The following PANK3 variants were observed in gnomAD, a reference collection of about 807,000 sequenced individuals.
PANK3 encodes pantothenate kinase 3.
PANK3 carries 20 observed loss-of-function variants against 39.4 expected under a neutral mutation model. The ratio of observed to expected loss-of-function variants is 0.51; its 90% confidence interval spans 0.36 to 0.74. The LOEUF is 0.74. PANK3 is among the 30% of genes least tolerant of loss of function. The probability of loss-of-function intolerance (pLI) is 0.00; values close to 1 mark genes in which losing one functional copy is unlikely to be tolerated. For synonymous variants in PANK3, 140 were observed against 157.3 expected, an observed-to-expected ratio of 0.89 and a Z score of 0.82; for missense variants, 265 against 437.0, an observed-to-expected ratio of 0.61 and a Z score of 3.51.
At position 168,553,556 on chromosome 5, in the gene PANK3, G is replaced by A. The variant is rs995858942; in HGVS notation, c.*4015C>T. On this transcript the variant is annotated 3_prime_UTR_variant, in exon 7 of 7. Coordinates refer to ENST00000239231, the MANE Select transcript of PANK3 (RefSeq NM_024594.4). Reference sequence around the variant, plus strand: ...GGACATGAGCAAAACCTCAGAGGGAGAGTCTTCTGACCTCTCTTTCAAAGT... The same window carrying A: ...GGACATGAGCAAAACCTCAGAGGGAAAGTCTTCTGACCTCTCTTTCAAAGT... 3 of 324,668 alleles carry A rather than the reference G, an allele frequency of 9.2e-6. No individual in the cohort carries two copies. The highest frequency in any genetic ancestry group is 4.3e-5 in the African/African-American group (2 of 46,012). The allele number at this position is 324,668 out of a possible 1,614,324, so 20.1% of individuals were successfully genotyped here. A position where few individuals can be genotyped will look rare whatever the true frequency, so the allele number is the denominator to read the frequency against.
chr5:168,559,235 A>G lies in PANK3; in HGVS notation c.937-78T>C, dbSNP rs1300678886. 3 of 1,016,984 alleles carry G rather than the reference A, an allele frequency of 2.9e-6. No individual in the cohort carries two copies. In the East Asian group the frequency reaches 8.4e-5, roughly 29 times the overall value. 63.0% of individuals were successfully genotyped at this position (1,016,984 alleles called of 1,614,324 possible). On this transcript the variant is annotated intron_variant, in intron 5 of 6. Coordinates refer to ENST00000239231, the MANE Select transcript of PANK3 (RefSeq NM_024594.4). Reference sequence around the variant, plus strand: ...TAAAAGGTTTCTAAATATTTATTTAAAATTTATTTTAAAATGCAAAAAAAC... The same window carrying G: ...TAAAAGGTTTCTAAATATTTATTTAGAATTTATTTTAAAATGCAAAAAAAC...
chr5:168,576,671 A>G (rs908046791), intron 1 of PANK3, among the ~76,000 whole-genome samples: 2 of 152,166 alleles, frequency 1.3e-5, no homozygotes, highest in Admixed American at 1.3e-4. Context: ...TGTGAAGCCA[A>G]GGTCACTTGT....
rs552181159 is a variant in PANK3, at chr5:168,577,025, C to A, written c.28+2231G>T. Among the ~76,000 whole-genome samples the A allele has an allele frequency of 3.3e-5, 5 of 152,048 alleles. No individual in the cohort carries two copies. The South Asian group carries it at 6.2e-4, about 19-fold the overall frequency. On this transcript the variant is annotated intron_variant, in intron 1 of 6. Transcript: ENST00000239231. Reference sequence around the variant, plus strand: ...CCTCCCGAACAGCTTGGACTACAGGCGCGTGCCACCATGCTCGGCTAATTT... The same window carrying A: ...CCTCCCGAACAGCTTGGACTACAGGAGCGTGCCACCATGCTCGGCTAATTT...
chr5:168,579,263 C>T lies in PANK3; in HGVS notation c.21G>A (p.Lys7=). 1 of 1,500,630 alleles carries T rather than the reference C, an allele frequency of 6.7e-7. No individual in the cohort carries two copies. The highest frequency in any genetic ancestry group is 8.9e-7 in the Non-Finnish European group (1 of 1,121,980). 93.0% of individuals were successfully genotyped at this position (1,500,630 alleles called of 1,614,324 possible). A position where few individuals can be genotyped will look rare whatever the true frequency, so the allele number is the denominator to read the frequency against. ...CCCCAGCCCCCGTCTTACAGGGTTTCTTGGCATCTTTGATCTTCATGGCGT... is the reference window on the plus strand; with the variant it reads ...CCCCAGCCCCCGTCTTACAGGGTTTTTTGGCATCTTTGATCTTCATGGCGT... MKIKDA[K]KPSFPWFGMD... The change falls in exon 1 of 7, where the codon AAG becomes AAA. Residue 7 remains lysine, a synonymous_variant. Coordinates refer to ENST00000239231, the MANE Select transcript of PANK3 (RefSeq NM_024594.4).
At chr5:168,576,524 C>A (rs145976991) in intron 1 of PANK3, among the ~76,000 whole-genome samples, 44 of 152,336 alleles carry the variant, frequency 2.9e-4, no homozygotes, top group African/African-American at 1.0e-3. Context: ...AAATGCTAAT[C>A]TTCCAGTTAC....
chr5:168,573,821 T>C (rs561381720), intron 1 of PANK3, among the ~76,000 whole-genome samples: 2 of 152,126 alleles, frequency 1.3e-5, no homozygotes, highest in African/African-American at 4.8e-5. Context: ...TCCAATTTCA[T>C]CCATGCCCCT....
In PANK3 at chr5:168,551,642, G is replaced by A. The variant is rs1447637882; in HGVS notation, c.*5929C>T. 6.6e-6 allele frequency: 1 copy of A among 152,148 alleles called. No individual in the cohort carries two copies. The highest frequency in any genetic ancestry group is 1.5e-5 in the Non-Finnish European group (1 of 68,014). 9.4% of individuals were successfully genotyped at this position (152,148 alleles called of 1,614,324 possible). A position where few individuals can be genotyped will look rare whatever the true frequency, so the allele number is the denominator to read the frequency against. ...ATCAAGGCAAGATGGACTACTCTTT[G>A]AAGGCAAGAATACTGCTGGAATAAG... is the stretch of plus-strand genomic sequence containing the variant. On this transcript the variant is annotated 3_prime_UTR_variant, in exon 7 of 7. Coordinates refer to ENST00000239231, the MANE Select transcript of PANK3 (RefSeq NM_024594.4).
intron 4 of PANK3, among the ~76,000 whole-genome samples, chr5:168,562,452 C>A (rs918875062): frequency 6.6e-6 from 1 of 152,070 alleles, no homozygotes; most frequent in African/African-American, 2.4e-5. Context: ...CGGAGTGAAG[C>A]GTCTATGCAA....
At chr5:168,558,708 TA>T (rs1481815364) in intron 6 of PANK3, among the ~76,000 whole-genome samples, 1 of 152,186 alleles carries the variant, frequency 6.6e-6, no homozygotes, top group Non-Finnish European at 1.5e-5. Context: ...AAGGAACCAA[TA>T]TTCTACTACT....
chr5:168,568,898 C>T lies in PANK3; in HGVS notation c.129G>A (p.Glu43=), dbSNP rs1437111370. 2.4e-5 allele frequency: 39 copies of T among 1,612,638 alleles called. No individual in the cohort carries two copies. The highest frequency in any genetic ancestry group is 3.2e-5 in the Non-Finnish European group (38 of 1,179,662). The change falls in exon 2 of 7, where the codon GAG becomes GAA. Residue 43 remains glutamate, a synonymous_variant. Coordinates refer to ENST00000239231, the MANE Select transcript of PANK3 (RefSeq NM_024594.4). ...AATATTTCCGAATACTTTTTAAACT[C>T]TCAACTTCTTCTTGCTCTTCCTCTG... The part of the protein sequence containing the change: ...ITAEEEQEEV[E]SLKSIRKYLT...
rs554594340 is a variant in PANK3, at chr5:168,557,444, G to A, written c.*127C>T. ...TTACCAAGTTCTCTCCTTTAATATG[G>A]CAACATTCAGCAGCTTATGCTACTC... is the stretch of plus-strand genomic sequence containing the variant. On this transcript the variant is annotated 3_prime_UTR_variant, in exon 7 of 7. Transcript: ENST00000239231. 6 of 770,306 alleles carry A rather than the reference G, an allele frequency of 7.8e-6. No individual in the cohort carries two copies. The African/African-American group carries it at 8.8e-5, about 11-fold the overall frequency. 47.7% of individuals were successfully genotyped at this position (770,306 alleles called of 1,614,324 possible).
Position 168,556,720 on chromosome 5 carries a change from T to C in PANK3, c.*851A>G, listed in dbSNP as rs916327321. 4.6e-5 allele frequency: 7 copies of C among 152,672 alleles called. No individual in the cohort carries two copies. Among genetic ancestry groups the C allele is most frequent in the African/African-American group, 1.2e-4 (5 of 41,468 alleles). The allele number at this position is 152,672 out of a possible 1,614,324, so 9.5% of individuals were successfully genotyped here. ...GATGAATTTTCTATTATTAATGTTA[T>C]TGTGGTTGTTTTAAAATAAAAGTTC... On this transcript the variant is annotated 3_prime_UTR_variant, in exon 7 of 7. Transcript: ENST00000239231.
chr5:168,566,046 G>T lies in PANK3; in HGVS notation c.602C>A (p.Ser201Tyr). Residue 201 changes from serine to tyrosine, a missense_variant, in exon 3 of 7, where the codon TCC becomes TAC. Coordinates refer to ENST00000239231, the MANE Select transcript of PANK3 (RefSeq NM_024594.4). ...GSGVSILAVH[S>Y]KDNYKRVTGT... Reference sequence around the variant, plus strand: ...AGTCACTCGTTTATAGTTGTCTTTGGAATGGACTGCTAAAATACTGACTCC... The same window carrying T: ...AGTCACTCGTTTATAGTTGTCTTTGTAATGGACTGCTAAAATACTGACTCC... 6.2e-7 allele frequency: 1 copy of T among 1,613,372 alleles called. No individual in the cohort carries two copies. The highest frequency in any genetic ancestry group is 8.5e-7 in the Non-Finnish European group (1 of 1,179,696).
At position 168,557,541 on chromosome 5, in the gene PANK3, A is replaced by C; in HGVS notation, c.*30T>G. The stretch of plus-strand genomic sequence containing the variant: ...CTGGTTTTAGTTCCTCTTGGATGAC[A>C]TTTATTAGCAGAGAGAGAGACCTGA... On this transcript the variant is annotated 3_prime_UTR_variant, in exon 7 of 7. Coordinates refer to ENST00000239231, the MANE Select transcript of PANK3 (RefSeq NM_024594.4). 6.2e-7 allele frequency: 1 copy of C among 1,602,202 alleles called. No individual in the cohort carries two copies. Among genetic ancestry groups the C allele is most frequent in the Non-Finnish European group, 8.5e-7 (1 of 1,170,218 alleles).
rs1202002773 is a variant in PANK3 at position 168,554,777 on chromosome 5, T to C, written c.*2794A>G. The C allele has an allele frequency of 2.6e-5, 4 of 152,252 alleles. No individual in the cohort carries two copies. The highest frequency in any genetic ancestry group is 6.5e-5 in the Admixed American group (1 of 15,286). The allele number at this position is 152,252 out of a possible 1,614,324, so 9.4% of individuals were successfully genotyped here. ...TATCTGTACAGATAAGAATCTTAAT[T>C]GAATGACAGTAACTACAAGTTTTAT... On this transcript the variant is annotated 3_prime_UTR_variant, in exon 7 of 7. Coordinates refer to ENST00000239231, the MANE Select transcript of PANK3 (RefSeq NM_024594.4).
rs143050117 is a variant in PANK3 at position 168,560,844 on chromosome 5, A to C, written c.936+549T>G. 708 of 382,842 alleles carry C rather than the reference A, an allele frequency of 1.8e-3. 1 individual carries two copies. Among genetic ancestry groups the C allele is most frequent in the Non-Finnish European group, 3.2e-3 (545 of 172,778 alleles). 23.7% of individuals were successfully genotyped at this position (382,842 alleles called of 1,614,324 possible). ...GTCAATCTAACAGTATATCCTTTTC[A>C]CACTTTTCTTGTAACAATAAACACC... On this transcript the variant is annotated intron_variant, in intron 5 of 6. Transcript: ENST00000239231.
chr5:168,576,090 A>G (rs1289325958), intron 1 of PANK3, among the ~76,000 whole-genome samples: 2 of 152,186 alleles, frequency 1.3e-5, no homozygotes, highest in African/African-American at 4.8e-5. Flanking sequence ...GGACAGCTTC[A>G]GGTAAGTGGT....
At chr5:168,561,688 A>G (rs1191075111) in intron 4 of PANK3, among the ~76,000 whole-genome samples, 172 bp from the exon 5 acceptor site, 1 of 152,224 alleles carries the variant, frequency 6.6e-6, no homozygotes, top group Non-Finnish European at 1.5e-5. Context: ...AGAGTAAAGT[A>G]ATACCTTTCA....
intron 5 of PANK3, 152 bp from the exon 6 acceptor site, chr5:168,559,309 C>G (rs1386319681): frequency 3.9e-6 from 2 of 508,902 alleles, no homozygotes; most frequent in East Asian, 3.4e-5. Context: ...TGGCATATAG[C>G]TGTATAATCC....
Sources: gnomAD v4.1 joint callset for allele counts (sites outside exome capture counted in the v4.1 genomes callset) on GRCh38, gnomAD v4.1.1 for gene constraint, MANE v1.5 for transcripts, NCBI Gene and HGNC (gene_info 2026-07-23, HGNC 2026-07-21) for gene names.